Variants in ATG14 observed in about 807,000 individuals in gnomAD.
The protein encoded by ATG14 is autophagy related 14.
Under a neutral mutation model 60.4 loss-of-function variants are expected in ATG14, and 35 were observed. The observed-to-expected ratio is 0.58, with a 90% CI of 0.44 to 0.77. The LOEUF (loss-of-function observed/expected upper bound fraction) is 0.77, where lower values mean the gene tolerates loss of function less well. Among genes scored for constraint, ATG14 ranks in the 30% least tolerant of loss-of-function variants. The probability of loss-of-function intolerance (pLI) is 0.00; values close to 1 mark genes in which losing one functional copy is unlikely to be tolerated. For missense variants in ATG14, 647 were observed against 626.3 expected (o/e 1.03, Z -0.35); for synonymous variants, 234 against 228.8 (o/e 1.02, Z -0.21).
At chr14:55,390,761 T>C (rs956074034) in intron 4 of ATG14, 150 bp downstream of exon 4, 67 of 605,314 alleles carry the variant, frequency 1.1e-4, no homozygotes, top group Middle Eastern at 2.6e-4. Context: ...ACAAATGTTT[T>C]ACAAGGAAAG....
At chr14:55,409,225 G>C (rs990520440) in intron 1 of ATG14, among the ~76,000 whole-genome samples, 1 of 152,204 alleles carries the variant, frequency 6.6e-6, no homozygotes, top group Non-Finnish European at 1.5e-5. Context: ...ATAACTCCCA[G>C]TTTTCTGGCT....
intron 1 of ATG14, among the ~76,000 whole-genome samples, chr14:55,403,171 G>C (rs1202988087): frequency 6.6e-6 from 1 of 151,380 alleles, no homozygotes; most frequent in African/African-American, 2.4e-5. Flanking sequence ...TTTGTAAAAT[G>C]GGAATAATGC....
At chr14:55,370,550 C>T (rs1401954268) in intron 9 of ATG14, among the ~76,000 whole-genome samples, 2 of 151,972 alleles carry the variant, frequency 1.3e-5, no homozygotes, top group African/African-American at 4.8e-5. Flanking sequence ...ACCCTCACTG[C>T]CAAGTCCAAT....
At chr14:55,404,419 CG>C (rs1885457214) in intron 1 of ATG14, among the ~76,000 whole-genome samples, 1 of 152,222 alleles carries the variant, frequency 6.6e-6, no homozygotes, top group South Asian at 2.1e-4. Flanking sequence ...CTCTGCCATG[CG>C]CAAGTAAGCA....
intron 7 of ATG14, among the ~76,000 whole-genome samples, chr14:55,380,109 G>A (rs143737585): frequency 0.032 from 4,848 of 152,112 alleles, 248 homozygotes; most frequent in African/African-American, 0.11. Flanking sequence ...TTAGCCAGGC[G>A]TGGTCGTGGG....
At chr14:55,388,581 T>TATAATACAG in intron 4 of ATG14, among the ~76,000 whole-genome samples, 1 of 152,372 alleles carries the variant, frequency 6.6e-6, no homozygotes, top group East Asian at 1.9e-4. Context: ...TGTATTATAC[T>TATAATACAG]ATATAATGTA....
At chr14:55,382,406 C>G (rs996352301) in intron 5 of ATG14, among the ~76,000 whole-genome samples, 1 of 152,116 alleles carries the variant, frequency 6.6e-6, no homozygotes, top group African/African-American at 2.4e-5. Context: ...AGCCTTGACT[C>G]CTAGACTCCA....
rs903664282 is a variant in ATG14 at position 55,367,032 on chromosome 14, A to G, written c.*2587T>C. The stretch of plus-strand genomic sequence containing the variant: ...ACTTAACCCTATGTAAAGTGCCTCT[A>G]GTTGATATTAACAACAACAAACAAA... On this transcript the variant is annotated 3_prime_UTR_variant, in exon 10 of 10. Coordinates refer to ENST00000247178, the MANE Select transcript of ATG14 (RefSeq NM_014924.5). 2 of 152,690 alleles carry G rather than the reference A, an allele frequency of 1.3e-5. No homozygotes were observed. The highest frequency in any genetic ancestry group is 4.8e-5 in the African/African-American group (2 of 41,478). 9.5% of individuals were successfully genotyped at this position (152,690 alleles called of 1,614,324 possible).
At chr14:55,401,465 C>CTTT (rs1477878056) in intron 1 of ATG14, among the ~76,000 whole-genome samples, 1 of 152,112 alleles carries the variant, frequency 6.6e-6, no homozygotes, top group African/African-American at 2.4e-5. Context: ...TGCCAGTGAA[C>CTTT]CTGTTCCATG....
rs150364622 is a variant in ATG14, at chr14:55,390,015, G to C, written c.409+896C>G. Among the ~76,000 whole-genome samples, 82 of 151,774 alleles carry C rather than the reference G, an allele frequency of 5.4e-4. 4 individuals carry two copies. In the East Asian group the frequency reaches 0.011, roughly 21 times the overall value. Reference sequence around the variant, plus strand: ...ATGGGCCAATAATTATTACAAGTGAGTACCAAGTTAAGACTCTGAGCTTCC... The same window carrying C: ...ATGGGCCAATAATTATTACAAGTGACTACCAAGTTAAGACTCTGAGCTTCC... On this transcript the variant is annotated intron_variant, in intron 4 of 9. Transcript: ENST00000247178.
intron 5 of ATG14, among the ~76,000 whole-genome samples, chr14:55,385,211 A>G (rs1409390784): frequency 6.6e-6 from 1 of 152,228 alleles, no homozygotes; most frequent in Non-Finnish European, 1.5e-5. Context: ...AAGGAAATCA[A>G]GATTTTGAGG....
intron 5 of ATG14, among the ~76,000 whole-genome samples, chr14:55,383,799 A>T (rs1687871648): frequency 6.6e-6 from 1 of 152,296 alleles, no homozygotes; most frequent in Admixed American, 6.5e-5. Flanking sequence ...AAGTCACAGC[A>T]GGTACAAATG....
intron 1 of ATG14, among the ~76,000 whole-genome samples, chr14:55,410,135 G>T (rs1450109112): frequency 1.3e-5 from 2 of 152,286 alleles, no homozygotes; most frequent in Non-Finnish European, 2.9e-5. Flanking sequence ...GGGTTGGGAT[G>T]AGCATGGGAA....
chr14:55,407,511 T>C (rs1247889014), intron 1 of ATG14, among the ~76,000 whole-genome samples: 1 of 152,032 alleles, frequency 6.6e-6, no homozygotes, highest in African/African-American at 2.4e-5. Flanking sequence ...GTGATCCGCC[T>C]GCCTCGGCCT....
chr14:55,405,935 A>G (rs1460545911), intron 1 of ATG14, among the ~76,000 whole-genome samples: 1 of 151,252 alleles, frequency 6.6e-6, no homozygotes, highest in Non-Finnish European at 1.5e-5. Context: ...CAGAGGAGGT[A>G]TTGTTCAGGA....
intron 9 of ATG14, among the ~76,000 whole-genome samples, chr14:55,370,745 A>G (rs1371254357): frequency 1.3e-5 from 2 of 151,098 alleles, no homozygotes; most frequent in East Asian, 3.9e-4. Context: ...GGTGCAAGCG[A>G]TTCTCCTGCC....
chr14:55,371,814 C>CA (rs999427813), intron 9 of ATG14, among the ~76,000 whole-genome samples: 7 of 150,452 alleles, frequency 4.7e-5, no homozygotes, highest in African/African-American at 1.2e-4. Flanking sequence ...AAAAAACAAA[C>CA]AAAAAAACAA....
At chr14:55,377,494 GAAGA>G (rs1430127542) in intron 9 of ATG14, among the ~76,000 whole-genome samples, 3 of 152,176 alleles carry the variant, frequency 2.0e-5, no homozygotes, top group Admixed American at 6.5e-5. Flanking sequence ...AAGGGCTGGA[GAAGA>G]AATAGACGCA....
chr14:55,403,423 A>G (rs1378769339), intron 1 of ATG14, among the ~76,000 whole-genome samples: 2 of 152,212 alleles, frequency 1.3e-5, no homozygotes, highest in Admixed American at 1.3e-4. Flanking sequence ...TGTATACTAC[A>G]GTTCCTTCAT....
Sources: gnomAD v4.1 joint callset for allele counts (sites outside exome capture counted in the v4.1 genomes callset) on GRCh38, gnomAD v4.1.1 for gene constraint, MANE v1.5 for transcripts, NCBI Gene and HGNC (gene_info 2026-07-23, HGNC 2026-07-21) for gene names.